The following SLC27A6 variants were observed in gnomAD, a reference collection of about 807,000 sequenced individuals.
The protein encoded by SLC27A6 is long-chain fatty acid transport protein 6.
Under a neutral mutation model 63.9 loss-of-function variants are expected in SLC27A6, and 74 were observed. That is an observed-to-expected ratio of 1.16 (90% CI 0.96 to 1.40). SLC27A6 has a LOEUF of 1.40. SLC27A6 is among the 40% of genes most tolerant of loss of function. The pLI is 0.00. For missense variants in SLC27A6, 794 were observed against 732.9 expected (o/e 1.08, Z -0.96); for synonymous variants, 287 against 260.8 (o/e 1.10, Z -0.97).
intron 4 of SLC27A6, among the ~76,000 whole-genome samples, chr5:129,004,353 T>C (rs527613823): frequency 4.6e-5 from 7 of 152,314 alleles, no homozygotes; most frequent in African/African-American, 1.7e-4. Context: ...TCTGTCTGGC[T>C]CTGTCTCTCA....
chr5:128,982,016 G>A (rs955048614), intron 1 of SLC27A6, among the ~76,000 whole-genome samples: 2 of 151,998 alleles, frequency 1.3e-5, no homozygotes, highest in African/African-American at 4.8e-5. Context: ...GTTTCACCAT[G>A]TTGGCCAGGC....
chr5:128,971,589 TG>T lies in SLC27A6; in HGVS notation c.481+4972del, dbSNP rs199897339. Among the ~76,000 whole-genome samples, 447 of 87,638 alleles carry T rather than the reference TG, an allele frequency of 5.1e-3. 1 individual carries two copies. The highest frequency in any genetic ancestry group is 0.013 in the African/African-American group (381 of 29,642). The allele number at this position is 87,638 out of a possible 152,430, so 57.5% of individuals were successfully genotyped here. On this transcript the variant is annotated intron_variant, in intron 1 of 9. Coordinates refer to ENST00000262462, the MANE Select transcript of SLC27A6 (RefSeq NM_001017372.3). ...GACTAGGATTGCAACCCCTGCTTTT[TG>T]TTTTTTTGTTTTCCATTTGGTTGGT...
chr5:128,993,568 T>C (rs1377687207), intron 4 of SLC27A6, among the ~76,000 whole-genome samples: 1 of 152,242 alleles, frequency 6.6e-6, no homozygotes. Context: ...CTCATTTATT[T>C]GTCTGGTACA....
At chr5:129,027,426 C>CTCTGTCTGCCCTGAA in intron 7 of SLC27A6, 95 bp downstream of exon 7, 2 of 893,150 alleles carry the variant, frequency 2.2e-6, no homozygotes, top group Non-Finnish European at 3.5e-6. Context: ...GCTTTCAGGG[C>CTCTGTCTGCCCTGAA]AGACAGAGCC....
At chr5:128,977,975 G>T (rs1225011946) in intron 1 of SLC27A6, among the ~76,000 whole-genome samples, 2 of 152,116 alleles carry the variant, frequency 1.3e-5, no homozygotes, top group Non-Finnish European at 1.5e-5. Flanking sequence ...TATCAGAGAT[G>T]AAAAATTGGG....
At chr5:129,000,453 G>T (rs1045517120) in intron 4 of SLC27A6, among the ~76,000 whole-genome samples, 1 of 152,168 alleles carries the variant, frequency 6.6e-6, no homozygotes, top group Non-Finnish European at 1.5e-5. Context: ...TGGGATACTT[G>T]TGTGCTCATG....
intron 1 of SLC27A6, among the ~76,000 whole-genome samples, chr5:128,976,100 A>T (rs929017559): frequency 6.6e-6 from 1 of 152,252 alleles, no homozygotes; most frequent in Admixed American, 6.5e-5. Flanking sequence ...GAAATTTAGA[A>T]ATGTCCTGAA....
At chr5:128,997,924 C>A (rs1051496893) in intron 4 of SLC27A6, among the ~76,000 whole-genome samples, 1 of 151,820 alleles carries the variant, frequency 6.6e-6, no homozygotes, top group East Asian at 1.9e-4. Context: ...TCTCATAATC[C>A]AGTTATGAGA....
chr5:129,009,913 G>A (rs993776844), intron 4 of SLC27A6, among the ~76,000 whole-genome samples: 1 of 152,128 alleles, frequency 6.6e-6, no homozygotes, highest in African/African-American at 2.4e-5. Context: ...CTGATCTCAG[G>A]CAATCCACCC....
intron 7 of SLC27A6, among the ~76,000 whole-genome samples, chr5:129,027,948 G>T (rs1752297159): frequency 6.6e-6 from 1 of 152,028 alleles, no homozygotes; most frequent in Non-Finnish European, 1.5e-5. Flanking sequence ...TTAACACCTA[G>T]AAACTGAAGT....
intron 1 of SLC27A6, among the ~76,000 whole-genome samples, chr5:128,977,827 C>A (rs1377541757): frequency 1.3e-5 from 2 of 152,118 alleles, no homozygotes; most frequent in African/African-American, 2.4e-5. Context: ...TATGACTAAA[C>A]ATGCCAAAGG....
At chr5:128,972,066 T>C (rs1039652075) in intron 1 of SLC27A6, among the ~76,000 whole-genome samples, 1 of 152,180 alleles carries the variant, frequency 6.6e-6, no homozygotes, top group Non-Finnish European at 1.5e-5. Flanking sequence ...AAAATTGTTT[T>C]CTTTAAGAAT....
At chr5:128,981,154 T>A (rs906052834) in intron 1 of SLC27A6, among the ~76,000 whole-genome samples, 1 of 152,120 alleles carries the variant, frequency 6.6e-6, no homozygotes, top group Non-Finnish European at 1.5e-5. Context: ...AAATTAAGCC[T>A]ACAATGTAGA....
intron 4 of SLC27A6, among the ~76,000 whole-genome samples, chr5:129,015,086 AT>A (rs1751848457): frequency 1.3e-5 from 2 of 152,108 alleles, no homozygotes; most frequent in South Asian, 4.1e-4. Flanking sequence ...ACATCTTGTT[AT>A]TTTGCATTTT....
chr5:128,998,180 T>C (rs1751222513), intron 4 of SLC27A6, among the ~76,000 whole-genome samples: 1 of 150,184 alleles, frequency 6.7e-6, no homozygotes, highest in South Asian at 2.1e-4. Flanking sequence ...TAGTCCATGC[T>C]ATGGGGGAGG....
intron 5 of SLC27A6, among the ~76,000 whole-genome samples, chr5:129,023,288 C>A (rs1051759750): frequency 6.6e-6 from 1 of 151,854 alleles, no homozygotes; most frequent in Non-Finnish European, 1.5e-5. Context: ...GAAAATGGTC[C>A]TTTTGCCTGC....
At chr5:128,971,081 T>C (rs919476925) in intron 1 of SLC27A6, among the ~76,000 whole-genome samples, 1 of 152,232 alleles carries the variant, frequency 6.6e-6, no homozygotes, top group African/African-American at 2.4e-5. Context: ...AGTGAGTTTC[T>C]TAACCCTGAC....
chr5:129,010,467 C>T lies in SLC27A6; in HGVS notation c.970-5418C>T, dbSNP rs1034296239. ...ATTATCCTGGTGGATACAATATAAT[C>T]GTATCAGACTTTAAAGCAGATGATT... On this transcript the variant is annotated intron_variant, in intron 4 of 9. Coordinates refer to ENST00000262462, the MANE Select transcript of SLC27A6 (RefSeq NM_001017372.3). Among the ~76,000 whole-genome samples the T allele has an allele frequency of 5.3e-5, 8 of 152,216 alleles. 1 individual carries two copies. The highest frequency in any genetic ancestry group is 1.9e-4 in the African/African-American group (8 of 41,532).
rs1037343570 is a variant in SLC27A6 at position 129,023,766 on chromosome 5, C to T, written c.1255+56C>T. 5.6e-6 allele frequency: 7 copies of T among 1,241,440 alleles called. No homozygotes were observed. In the African/African-American group the frequency reaches 6.0e-5, roughly 11 times the overall value. The allele number at this position is 1,241,440 out of a possible 1,614,324, so 76.9% of individuals were successfully genotyped here. On this transcript the variant is annotated intron_variant, in intron 6 of 9. Transcript: ENST00000262462. The stretch of plus-strand genomic sequence containing the variant: ...AGCAAAGTTTCTGATCTCCTGTATA[C>T]AGACATCCCTTGGTATCCTTGGGGG...
Sources: allele counts gnomAD v4.1 joint callset (sites outside exome capture counted in the v4.1 genomes callset), GRCh38; gene constraint gnomAD v4.1.1; transcripts MANE v1.5; gene names NCBI Gene and HGNC (gene_info 2026-07-23, HGNC 2026-07-21).